Variants in EPHA5 observed in about 807,000 individuals in gnomAD.
The protein encoded by EPHA5 is ephrin type-A receptor 5.
A neutral mutation model predicts 105.0 loss-of-function variants in EPHA5; 60 were observed. The ratio of observed to expected loss-of-function variants is 0.57; its 90% CI spans 0.46 to 0.71. EPHA5 has a LOEUF of 0.71. EPHA5 is among the 30% of genes least tolerant of loss of function. The pLI is 0.00. For synonymous variants in EPHA5, 513 were observed against 449.1 expected, an observed-to-expected ratio of 1.14 and a Z score of -1.80; for missense variants, 1,218 against 1,274.7, an observed-to-expected ratio of 0.96 and a Z score of 0.68.
chr4:65,575,723 G>A (rs1740826909), intron 3 of EPHA5, among the ~76,000 whole-genome samples: 1 of 152,036 alleles, frequency 6.6e-6, no homozygotes, highest in African/African-American at 2.4e-5. Context: ...TGTAAAACCA[G>A]CATTTTGGGA....
chr4:65,609,135 GT>G (rs1355922398), intron 2 of EPHA5, among the ~76,000 whole-genome samples: 1 of 152,010 alleles, frequency 6.6e-6, no homozygotes, highest in African/African-American at 2.4e-5. Flanking sequence ...GAAAAATGTG[GT>G]TTTAAAAGAA....
rs1294716954 is a variant in EPHA5, at chr4:65,348,222, T to TA, written c.2446-20dup. 1.2e-6 allele frequency: 2 copies of TA among 1,605,956 alleles called. No homozygotes were observed. The highest frequency in any genetic ancestry group is 1.7e-6 in the Non-Finnish European group (2 of 1,176,674). On this transcript the variant is annotated intron_variant, in intron 13 of 16. Coordinates refer to ENST00000613740, the MANE Select transcript of EPHA5 (RefSeq NM_001281766.3). ...TTCCTCCCTAAAATTGAAAAAGATTTAAAAAACTTCCTACATACTTCAAAT... is the reference window on the plus strand; with the variant it reads ...TTCCTCCCTAAAATTGAAAAAGATTTAAAAAAACTTCCTACATACTTCAAAT...
intron 7 of EPHA5, among the ~76,000 whole-genome samples, chr4:65,407,900 C>T (rs1722520054): frequency 6.6e-6 from 1 of 151,528 alleles, no homozygotes; most frequent in Non-Finnish European, 1.5e-5. Context: ...GGACTACAGG[C>T]CTGCACCACC....
intron 8 of EPHA5, among the ~76,000 whole-genome samples, chr4:65,377,720 A>G (rs1008071670): frequency 7.2e-5 from 11 of 152,122 alleles, no homozygotes; most frequent in Middle Eastern, 6.8e-3. Context: ...ATATTGCAAC[A>G]CTCAAGATTC....
intron 4 of EPHA5, among the ~76,000 whole-genome samples, chr4:65,491,154 G>C (rs73223837): frequency 6.7e-6 from 1 of 150,314 alleles, no homozygotes; most frequent in South Asian, 2.1e-4. Context: ...AATTTTCAGC[G>C]TAGCTCCTGA....
intron 3 of EPHA5, among the ~76,000 whole-genome samples, chr4:65,567,863 T>C (rs892785171): frequency 1.3e-5 from 2 of 151,546 alleles, no homozygotes; most frequent in African/African-American, 2.4e-5. Flanking sequence ...AGACTTATAG[T>C]CATCCTTTAG....
intron 8 of EPHA5, among the ~76,000 whole-genome samples, chr4:65,399,321 C>A (rs1489235944): frequency 6.6e-6 from 1 of 152,180 alleles, no homozygotes; most frequent in Non-Finnish European, 1.5e-5. Flanking sequence ...GTGGCCAGAC[C>A]CTGTGCTCAC....
At chr4:65,412,667 A>G (rs1268758367) in intron 7 of EPHA5, among the ~76,000 whole-genome samples, 2 of 152,118 alleles carry the variant, frequency 1.3e-5, no homozygotes, top group Non-Finnish European at 2.9e-5. Context: ...CTTTTTCTTT[A>G]GAAATTATAT....
chr4:65,584,565 A>G (rs1741936668), intron 3 of EPHA5, among the ~76,000 whole-genome samples: 1 of 151,944 alleles, frequency 6.6e-6, no homozygotes, highest in Non-Finnish European at 1.5e-5. Flanking sequence ...TACAGCAAAC[A>G]AGAGGAACCA....
intron 5 of EPHA5, among the ~76,000 whole-genome samples, chr4:65,474,873 G>A (rs375879652): frequency 7.9e-5 from 12 of 152,020 alleles, no homozygotes; most frequent in African/African-American, 2.7e-4. Context: ...AATAAAGATC[G>A]ATTATGCTGG....
rs554950922 is a variant in EPHA5 at position 65,338,627 on chromosome 4, C to T, written c.2596-2502G>A. ...AATTTATACTTAGAAATACAGTGCT[C>T]TGTCTCTATATCAACTTAGAACTGG... is the stretch of plus-strand genomic sequence containing the variant. On this transcript the variant is annotated intron_variant, in intron 14 of 16. Transcript: ENST00000613740. Among the ~76,000 whole-genome samples, 5 of 152,184 alleles carry T rather than the reference C, an allele frequency of 3.3e-5. No homozygotes were observed. The South Asian group carries it at 1.0e-3, about 32-fold the overall frequency.
At chr4:65,347,620 A>G (rs907130975) in intron 14 of EPHA5, among the ~76,000 whole-genome samples, 3 of 152,204 alleles carry the variant, frequency 2.0e-5, no homozygotes, top group African/African-American at 7.2e-5. Context: ...AAAGAAACGT[A>G]GACTATTCCT....
At chr4:65,471,365 G>A (rs1160272218) in intron 5 of EPHA5, among the ~76,000 whole-genome samples, 1 of 152,032 alleles carries the variant, frequency 6.6e-6, no homozygotes, top group Non-Finnish European at 1.5e-5. Context: ...GTCTAAAATG[G>A]ATGAAAACAA....
intron 8 of EPHA5, among the ~76,000 whole-genome samples, chr4:65,396,618 T>C (rs114441379): frequency 0.03 from 4,630 of 152,294 alleles, 97 homozygotes; most frequent in Admixed American, 0.074. Context: ...GTGTGTATAC[T>C]GGAAGGGTTA....
At chr4:65,533,040 T>G (rs1735968581) in intron 3 of EPHA5, among the ~76,000 whole-genome samples, 1 of 152,086 alleles carries the variant, frequency 6.6e-6, no homozygotes, top group Admixed American at 6.6e-5. Context: ...ACACACTCAG[T>G]CAAACTTTCC....
chr4:65,487,817 C>T (rs974732893), intron 5 of EPHA5, among the ~76,000 whole-genome samples: 5 of 152,262 alleles, frequency 3.3e-5, no homozygotes, highest in Middle Eastern at 3.4e-3. Flanking sequence ...GCTTAGCTGG[C>T]TCTATGTGTA....
At chr4:65,512,338 A>G (rs1276951148) in intron 3 of EPHA5, among the ~76,000 whole-genome samples, 4 of 152,164 alleles carry the variant, frequency 2.6e-5, no homozygotes, top group African/African-American at 7.2e-5. Context: ...CAGGAAATGT[A>G]ATAATTTTAA....
intron 15 of EPHA5, among the ~76,000 whole-genome samples, chr4:65,334,904 C>T (rs921187184): frequency 2.0e-5 from 3 of 151,724 alleles, no homozygotes; most frequent in African/African-American, 7.3e-5. Flanking sequence ...TGACAATAAG[C>T]AATTTAAAAG....
At chr4:65,520,221 C>A (rs1411547950) in intron 3 of EPHA5, among the ~76,000 whole-genome samples, 1 of 152,024 alleles carries the variant, frequency 6.6e-6, no homozygotes, top group Non-Finnish European at 1.5e-5. Flanking sequence ...AGAAATAATA[C>A]CACACATCTA....
Sources: gnomAD v4.1 joint callset for allele counts (sites outside exome capture counted in the v4.1 genomes callset) on GRCh38, gnomAD v4.1.1 for gene constraint, MANE v1.5 for transcripts, NCBI Gene and HGNC (gene_info 2026-07-23, HGNC 2026-07-21) for gene names.